Variants in SUGCT observed in about 807,000 individuals in gnomAD.
SUGCT encodes succinyl-CoA:glutarate CoA-transferase.
SUGCT carries 41 observed loss-of-function variants against 55.0 expected under a neutral mutation model. The ratio of observed to expected loss-of-function variants is 0.74; its 90% CI spans 0.58 to 0.97. SUGCT has a LOEUF of 0.97. SUGCT is among the 50% of genes least tolerant of loss of function. SUGCT has a pLI of 0.00. For synonymous variants in SUGCT, 187 were observed against 200.4 expected, an observed-to-expected ratio of 0.93 and a Z score of 0.56; for missense variants, 568 against 547.8, an observed-to-expected ratio of 1.04 and a Z score of -0.37.
intron 6 of SUGCT, among the ~76,000 whole-genome samples, chr7:40,226,576 G>C (rs927634649): frequency 2.7e-5 from 4 of 150,174 alleles, no homozygotes; most frequent in Non-Finnish European, 5.9e-5. Context: ...CTTCAGAATA[G>C]AAAACTAACT....
chr7:40,155,146 G>A (rs1334117541), intron 1 of SUGCT, among the ~76,000 whole-genome samples: 1 of 152,128 alleles, frequency 6.6e-6, no homozygotes, highest in Non-Finnish European at 1.5e-5. Flanking sequence ...TTAGCTGGGT[G>A]TAGTGGCGCA....
rs150961387 is a variant in SUGCT, at chr7:40,548,737, A to G, written c.1089+52351A>G. Among the ~76,000 whole-genome samples, 39 of 152,190 alleles carry G rather than the reference A, an allele frequency of 2.6e-4. No individual in the cohort carries two copies. In the East Asian group the frequency reaches 4.6e-3, roughly 18 times the overall value. On this transcript the variant is annotated intron_variant, in intron 12 of 13. Transcript: ENST00000335693. ...ACTCACTCTTTGTGTTGTACATGCT[A>G]TGGATTTAAAACAGTGTATAATGAC...
At chr7:40,159,651 G>C (rs1056355250) in intron 1 of SUGCT, among the ~76,000 whole-genome samples, 3 of 152,140 alleles carry the variant, frequency 2.0e-5, no homozygotes, top group Non-Finnish European at 4.4e-5. Flanking sequence ...TTACAGGTGT[G>C]AGCCACCGTG....
chr7:40,389,250 G>C (rs1253014288), intron 9 of SUGCT, among the ~76,000 whole-genome samples: 1 of 152,114 alleles, frequency 6.6e-6, no homozygotes, highest in East Asian at 1.9e-4. Flanking sequence ...AAGAGTTTGA[G>C]ACCAGCCTGG....
intron 12 of SUGCT, among the ~76,000 whole-genome samples, chr7:40,553,811 T>TCCA (rs1795427074): frequency 6.6e-6 from 1 of 152,200 alleles, no homozygotes; most frequent in Non-Finnish European, 1.5e-5. Context: ...TGAGGATGCC[T>TCCA]CCAATGCGAG....
the SUGCT span, among the ~76,000 whole-genome samples, chr7:41,030,582 A>T: frequency 6.6e-6 from 1 of 152,086 alleles, no homozygotes; most frequent in Admixed American, 6.6e-5. Flanking sequence ...AAATTTTAAG[A>T]TTAGATTTCC....
At chr7:40,196,927 T>C (rs1465181131) in intron 6 of SUGCT, among the ~76,000 whole-genome samples, 1 of 152,134 alleles carries the variant, frequency 6.6e-6, no homozygotes, top group Non-Finnish European at 1.5e-5. Context: ...CTCCACCTCC[T>C]AGGTTCAGGT....
chr7:40,267,623 G>A (rs962524026), intron 7 of SUGCT, among the ~76,000 whole-genome samples: 4 of 152,116 alleles, frequency 2.6e-5, no homozygotes, highest in Non-Finnish European at 5.9e-5. Context: ...TACTGCTATA[G>A]CAGCAGGGCT....
intron 12 of SUGCT, among the ~76,000 whole-genome samples, chr7:40,745,289 C>T (rs1231112665): frequency 1.3e-5 from 2 of 152,164 alleles, no homozygotes; most frequent in African/African-American, 2.4e-5. Flanking sequence ...ATTCCTCTCT[C>T]ACTTTCCATA....
In SUGCT at chr7:40,798,388, C is replaced by A. The variant is rs1380072062; in HGVS notation, c.1153+48891C>A. On this transcript the variant is annotated intron_variant, in intron 13 of 13. Transcript: ENST00000335693. ...TATGGTGCACTCCTTTTTGTGAGAT[C>A]CTTTGAGAACTGTATAGAATACTTT... is the stretch of plus-strand genomic sequence containing the variant. 3.9e-5 allele frequency among the ~76,000 whole-genome samples: 6 copies of A among 152,160 alleles called. No individual in the cohort carries two copies. In the East Asian group the frequency reaches 1.2e-3, roughly 29 times the overall value.
chr7:40,673,314 T>G lies in SUGCT; in HGVS notation c.1090-76120T>G, dbSNP rs377639062. On this transcript the variant is annotated intron_variant, in intron 12 of 13. Transcript: ENST00000335693. Reference sequence around the variant, plus strand: ...GATCTTCTGTAGAGTGATGTGTCTGTTACTCTCACCAACATGGATTCTAAT... The same window carrying G: ...GATCTTCTGTAGAGTGATGTGTCTGGTACTCTCACCAACATGGATTCTAAT... Among the ~76,000 whole-genome samples, 155 of 152,306 alleles carry G rather than the reference T, an allele frequency of 1.0e-3. 2 individuals carry two copies. The South Asian group carries it at 0.026, about 25-fold the overall frequency.
intron 12 of SUGCT, among the ~76,000 whole-genome samples, chr7:40,609,550 C>CAA (rs934513690): frequency 9.9e-5 from 7 of 70,820 alleles, no homozygotes; most frequent in African/African-American, 1.6e-4. Context: ...GACTCCATCT[C>CAA]AAAAAAAAAA....
chr7:40,367,224 A>G (rs964808890), intron 9 of SUGCT, among the ~76,000 whole-genome samples: 1 of 133,732 alleles, frequency 7.5e-6, no homozygotes, highest in Non-Finnish European at 1.5e-5. Flanking sequence ...ATGAGAACAC[A>G]TGGACACAGG....
intron 9 of SUGCT, among the ~76,000 whole-genome samples, chr7:40,325,290 TTCTA>T (rs1175644211): frequency 6.6e-6 from 1 of 152,254 alleles, no homozygotes; most frequent in East Asian, 1.9e-4. Context: ...TTGTGTGACT[TTCTA>T]TTTATTTATT....
intron 9 of SUGCT, among the ~76,000 whole-genome samples, chr7:40,360,821 A>G (rs778813351): frequency 6.6e-6 from 1 of 152,132 alleles, no homozygotes; most frequent in African/African-American, 2.4e-5. Flanking sequence ...TAGGTACTCA[A>G]AGACATTTGT....
chr7:40,307,061 G>A (rs1794883882), intron 8 of SUGCT, among the ~76,000 whole-genome samples: 1 of 152,166 alleles, frequency 6.6e-6, no homozygotes, highest in African/African-American at 2.4e-5. Flanking sequence ...TCAGAGGAAT[G>A]TTCCTTTCAT....
At chr7:40,365,734 C>A (rs1358067020) in intron 9 of SUGCT, among the ~76,000 whole-genome samples, 1 of 151,956 alleles carries the variant, frequency 6.6e-6, no homozygotes, top group Non-Finnish European at 1.5e-5. Flanking sequence ...TCAAGGAGAA[C>A]TACAAACCAC....
intron 1 of SUGCT, chr7:40,153,297 T>G (rs894693231): frequency 3.3e-5 from 13 of 397,218 alleles, no homozygotes; most frequent in Non-Finnish European, 6.3e-5. Flanking sequence ...GTGTAAAGTT[T>G]AGAGTCATGT....
chr7:40,712,296 C>A (rs893546772), intron 12 of SUGCT, among the ~76,000 whole-genome samples: 4 of 152,218 alleles, frequency 2.6e-5, no homozygotes, highest in African/African-American at 4.8e-5. Context: ...AAAAATATAA[C>A]CTACCTCCTC....
Sources: gnomAD v4.1 joint callset for allele counts (sites outside exome capture counted in the v4.1 genomes callset) on GRCh38, gnomAD v4.1.1 for gene constraint, MANE v1.5 for transcripts, NCBI Gene and HGNC (gene_info 2026-07-23, HGNC 2026-07-21) for gene names.